The following CAMK2G variants were observed in gnomAD, a reference collection of about 807,000 sequenced individuals.
CAMK2G encodes calcium/calmodulin-dependent protein kinase type II subunit gamma.
Under a neutral mutation model 88.7 loss-of-function variants are expected in CAMK2G, and 23 were observed. The observed-to-expected ratio is 0.26, with a 90% CI of 0.19 to 0.37. The LOEUF (loss-of-function observed/expected upper bound fraction) is 0.37. CAMK2G is among the 10% of genes least tolerant of loss of function. The pLI, the probability that CAMK2G is intolerant of heterozygous loss-of-function variation, is 1.00. For synonymous variants in CAMK2G, 263 were observed against 294.8 expected (o/e 0.89, Z 1.11); for missense variants, 476 against 780.8 (o/e 0.61, Z 4.65).
In CAMK2G at chr10:73,842,750, G is replaced by A. The variant is rs931963406; in HGVS notation, c.820-209C>T. Among the ~76,000 whole-genome samples, 1 of 152,210 alleles carries A rather than the reference G, an allele frequency of 6.6e-6. No homozygotes were observed. The highest frequency in any genetic ancestry group is 6.5e-5 in the Admixed American group (1 of 15,286). ...GGTTACATAAGGACAACATGAACGTGAGAACACCATAACGGATGCTAGACG... is the reference window on the plus strand; with the variant it reads ...GGTTACATAAGGACAACATGAACGTAAGAACACCATAACGGATGCTAGACG... On this transcript the variant is annotated intron_variant, in intron 10 of 22. Coordinates refer to ENST00000423381, the MANE Select transcript of CAMK2G (RefSeq NM_001367534.1). The surrounding 1 kb of genome is among the most constrained non-coding windows in gnomAD (Gnocchi z 4.6).
At chr10:73,820,490 A>ATTTTTTTTTTT (rs1458257825) in intron 18 of CAMK2G, among the ~76,000 whole-genome samples, 3 of 53,162 alleles carry the variant, frequency 5.6e-5, no homozygotes, top group African/African-American at 3.8e-4. Context: ...ATATATATAT[A>ATTTTTTTTTTT]TATTTTTTTT....
At chr10:73,847,822 T>TA (rs2094354147) in intron 9 of CAMK2G, among the ~76,000 whole-genome samples, 166 bp downstream of exon 9, 1 of 152,150 alleles carries the variant, frequency 6.6e-6, no homozygotes, top group African/African-American at 2.4e-5. Context: ...CCCTGGGACA[T>TA]AGAGTGGCAA....
intron 14 of CAMK2G, among the ~76,000 whole-genome samples, chr10:73,832,963 CTCTCTTTT>C (rs1238092615): frequency 2.3e-5 from 2 of 88,174 alleles, no homozygotes; most frequent in Non-Finnish European, 2.5e-5. Flanking sequence ...TTTTTCTTCT[CTCTCTTTT>C]TTTTTTTTTT....
chr10:73,864,728 C>T (rs909177598), intron 2 of CAMK2G, among the ~76,000 whole-genome samples: 10 of 151,992 alleles, frequency 6.6e-5, no homozygotes, highest in Non-Finnish European at 1.2e-4. Context: ...CTGCAAGCTC[C>T]GCCTCCCAGG....
At chr10:73,861,159 T>C (rs1435815764) in intron 2 of CAMK2G, among the ~76,000 whole-genome samples, 2 of 152,188 alleles carry the variant, frequency 1.3e-5, no homozygotes, top group Non-Finnish European at 2.9e-5. Context: ...CCTGAATAGC[T>C]GGAACTATAG....
At chr10:73,859,387 A>C (rs2095262013) in intron 3 of CAMK2G, among the ~76,000 whole-genome samples, 1 of 152,200 alleles carries the variant, frequency 6.6e-6, no homozygotes, top group Non-Finnish European at 1.5e-5. Context: ...CTTTTTTCAA[A>C]ATGTGAAATC....
intron 18 of CAMK2G, among the ~76,000 whole-genome samples, chr10:73,820,393 T>A (rs1057225865): frequency 6.7e-6 from 1 of 149,018 alleles, no homozygotes; most frequent in African/African-American, 2.5e-5. Flanking sequence ...AACTCCATCA[T>A]TCAGGCCAAA....
intron 3 of CAMK2G, among the ~76,000 whole-genome samples, chr10:73,855,419 G>A (rs989860475): frequency 1.3e-5 from 2 of 152,250 alleles, no homozygotes; most frequent in Non-Finnish European, 2.9e-5. Flanking sequence ...GAATTAACGG[G>A]ACAGCAGCAG....
Position 73,815,226 on chromosome 10 carries a change from G to C in CAMK2G, c.1556C>G (p.Pro519Arg). 6.2e-7 allele frequency: 1 copy of C among 1,614,058 alleles called. No individual in the cohort carries two copies. Among genetic ancestry groups the C allele is most frequent in the Non-Finnish European group, 8.5e-7 (1 of 1,179,868 alleles). The change falls in exon 22 of 23, where the codon CCT (proline) becomes CGT (arginine). Residue 519 changes from proline (P) to arginine (R), a missense_variant. Transcript: ENST00000423381. ...FENLLSKNSK[P>R]IHTTILNPHV... Reference sequence around the variant, plus strand: ...TGGGTTTAGGATGGTGGTATGGATAGGCTTGCTGTTCTTGGACAGGACTGC... The same window carrying C: ...TGGGTTTAGGATGGTGGTATGGATACGCTTGCTGTTCTTGGACAGGACTGC...
chr10:73,828,041 G>A (rs201965996), intron 15 of CAMK2G, 48 bp downstream of exon 15: 18 of 1,522,700 alleles, frequency 1.2e-5, no homozygotes, highest in African/African-American at 6.8e-5. Context: ...GCTGGCAGGC[G>A]GGCACAGGCA....
chr10:73,841,271 G>T (rs2093760080), intron 12 of CAMK2G, among the ~76,000 whole-genome samples: 1 of 152,200 alleles, frequency 6.6e-6, no homozygotes, highest in Non-Finnish European at 1.5e-5. Flanking sequence ...TTCCATGGTG[G>T]TGCAGAGGGG....
chr10:73,814,796 A>C (rs1251115528), intron 22 of CAMK2G: 2 of 580,330 alleles, frequency 3.4e-6, no homozygotes, highest in African/African-American at 3.7e-5. Flanking sequence ...AACCTGTCTG[A>C]GGTCATCCAA....
intron 2 of CAMK2G, among the ~76,000 whole-genome samples, chr10:73,864,584 G>A (rs1233804383): frequency 6.6e-6 from 1 of 152,200 alleles, no homozygotes; most frequent in Non-Finnish European, 1.5e-5. Flanking sequence ...CCCAAAGTAG[G>A]TGAGACAGTG....
At chr10:73,863,719 G>T (rs2095476536) in intron 2 of CAMK2G, among the ~76,000 whole-genome samples, 1 of 152,172 alleles carries the variant, frequency 6.6e-6, no homozygotes. Context: ...CTAAAAATAA[G>T]GGCACTCTGC....
chr10:73,847,094 C>T lies in CAMK2G; in HGVS notation c.819+131G>A, dbSNP rs2094302959. The T allele has an allele frequency of 4.3e-6, 4 of 920,214 alleles. No homozygotes were observed. The East Asian group carries it at 1.0e-4, about 23-fold the overall frequency. The allele number at this position is 920,214 out of a possible 1,614,324, so 57.0% of individuals were successfully genotyped here. On this transcript the variant is annotated intron_variant, in intron 10 of 22. Coordinates refer to ENST00000423381, the MANE Select transcript of CAMK2G (RefSeq NM_001367534.1). ...TTATTGACCCTGGCCCTCAACAGTCCTCTGCCCGCCTGCTCAGTTATTGCT... is the reference window on the plus strand; with the variant it reads ...TTATTGACCCTGGCCCTCAACAGTCTTCTGCCCGCCTGCTCAGTTATTGCT...
At position 73,814,987 on chromosome 10, in the gene CAMK2G, C is replaced by G. The variant is rs779149832; in HGVS notation, c.*12+16G>C. ...CCAGGCCCTTCCAGCCCCTCTCCCC[C>G]GTCAACCAGGTGCACCTGTGGCTGA... On this transcript the variant is annotated intron_variant, in intron 22 of 22. Transcript: ENST00000423381. 1.3e-6 allele frequency: 2 copies of G among 1,556,980 alleles called. No individual in the cohort carries two copies. The highest frequency in any genetic ancestry group is 1.7e-5 in the Admixed American group (1 of 59,584).
Position 73,860,816 on chromosome 10 carries a change from G to A in CAMK2G, c.220+14C>T. 1 of 1,601,434 alleles carries A rather than the reference G, an allele frequency of 6.2e-7. No individual in the cohort carries two copies. On this transcript the variant is annotated intron_variant, in intron 3 of 22. Transcript: ENST00000423381. ...ACAAAATACCCACAAAATGCTCCAT[G>A]CCCAGGCACTCACCGATGTTTGGAT...
In CAMK2G at chr10:73,847,212, C is replaced by G. The variant is rs1278722382; in HGVS notation, c.819+13G>C. The G allele has an allele frequency of 8.7e-6, 14 of 1,613,712 alleles. No homozygotes were observed. The highest frequency in any genetic ancestry group is 1.1e-5 in the Non-Finnish European group (13 of 1,179,758). ...CACCCCTGAGCTCCTTGGCCACTAGCAAAGACACTTACACAGACCCACGGG... is the reference window on the plus strand; with the variant it reads ...CACCCCTGAGCTCCTTGGCCACTAGGAAAGACACTTACACAGACCCACGGG... On this transcript the variant is annotated intron_variant, in intron 10 of 22. Transcript: ENST00000423381.
Position 73,848,051 on chromosome 10 carries a change from A to G in CAMK2G, c.633T>C (p.Tyr211=), listed in dbSNP as rs1459555108. The part of the protein sequence containing the change: ...GVILYILLVG[Y]PPFWDEDQHK... ...GCTGATCCTCATCCCAGAAGGGAGGATAGCCCACCAGGAGGATATACAGGA... is the reference window on the plus strand; with the variant it reads ...GCTGATCCTCATCCCAGAAGGGAGGGTAGCCCACCAGGAGGATATACAGGA... The change falls in exon 9 of 23, where the codon TAT becomes TAC. Residue 211 remains tyrosine (Y), a synonymous_variant. Transcript: ENST00000423381. The surrounding 1 kb of genome is among the most constrained non-coding windows in gnomAD (Gnocchi z 4.5). 1 of 1,611,488 alleles carries G rather than the reference A, an allele frequency of 6.2e-7. No individual in the cohort carries two copies. The highest frequency in any genetic ancestry group is 1.1e-5 in the South Asian group (1 of 91,044).
Sources: allele counts gnomAD v4.1 joint callset (sites outside exome capture counted in the v4.1 genomes callset), GRCh38; gene constraint gnomAD v4.1.1; non-coding constraint Gnocchi (gnomAD v3.1); transcripts MANE v1.5; gene names NCBI Gene and HGNC (gene_info 2026-07-23, HGNC 2026-07-21).